The following PLPPR5 variants were observed in gnomAD, a reference collection of about 807,000 sequenced individuals.
PLPPR5 encodes phospholipid phosphatase-related protein type 5.
A neutral mutation model predicts 33.9 loss-of-function variants in PLPPR5; 16 were observed. The ratio of observed to expected loss-of-function variants is 0.47; its 90% CI spans 0.32 to 0.72. The LOEUF (loss-of-function observed/expected upper bound fraction) is 0.72, where lower values mean the gene tolerates loss of function less well. Ranked by LOEUF, PLPPR5 falls within the 30% of genes least tolerant of loss-of-function variation. The probability of loss-of-function intolerance (pLI) is 0.03; values close to 1 mark genes in which losing one functional copy is unlikely to be tolerated. For missense variants in PLPPR5, 301 were observed against 406.7 expected, an observed-to-expected ratio of 0.74 and a Z score of 2.23; for synonymous variants, 163 against 150.3, an observed-to-expected ratio of 1.08 and a Z score of -0.62.
At chr1:98,914,326 C>G (rs901600218) in intron 5 of PLPPR5, among the ~76,000 whole-genome samples, 1 of 152,134 alleles carries the variant, frequency 6.6e-6, no homozygotes. Flanking sequence ...CACTCTGTTG[C>G]GTAAGCTGGA....
At chr1:98,912,141 TA>T (rs1463987884) in intron 5 of PLPPR5, among the ~76,000 whole-genome samples, 1 of 152,232 alleles carries the variant, frequency 6.6e-6, no homozygotes, top group African/African-American at 2.4e-5. Flanking sequence ...ATTCAGCTTT[TA>T]AATGTATTTT....
intron 5 of PLPPR5, among the ~76,000 whole-genome samples, chr1:98,905,413 T>C (rs780132579): frequency 1.3e-4 from 20 of 152,170 alleles, no homozygotes; most frequent in Non-Finnish European, 2.8e-4. Context: ...TTTTATACTT[T>C]GTAATTGGCC....
intron 3 of PLPPR5, among the ~76,000 whole-genome samples, chr1:98,932,072 T>C (rs1325661081): frequency 2.6e-5 from 4 of 152,106 alleles, no homozygotes; most frequent in African/African-American, 9.7e-5. Context: ...GAATAAAACA[T>C]AACAAGTCTC....
chr1:98,916,558 T>C (rs910873408), intron 4 of PLPPR5, among the ~76,000 whole-genome samples: 1 of 152,348 alleles, frequency 6.6e-6, no homozygotes, highest in African/African-American at 2.4e-5. Context: ...CTCCACCTTT[T>C]TGGTGCAAAA....
Position 98,905,530 on chromosome 1 carries a change from C to G in PLPPR5, c.933+9256G>C, listed in dbSNP as rs1293919047. Among the ~76,000 whole-genome samples, 3 of 152,064 alleles carry G rather than the reference C, an allele frequency of 2.0e-5. No individual in the cohort carries two copies. The East Asian group carries it at 5.8e-4, about 29-fold the overall frequency. ...ATGAAGCAGTGATAATGAGTCCCAC[C>G]TTTATGAAATCTGGAGAGTCTTGTA... is the stretch of plus-strand genomic sequence containing the variant. On this transcript the variant is annotated intron_variant, in intron 5 of 5. Coordinates refer to ENST00000263177, the MANE Select transcript of PLPPR5 (RefSeq NM_001037317.2).
intron 1 of PLPPR5, among the ~76,000 whole-genome samples, chr1:99,001,495 G>A (rs996772580): frequency 6.6e-6 from 1 of 151,376 alleles, no homozygotes; most frequent in Non-Finnish European, 1.5e-5. Context: ...TACTAGACTC[G>A]GAACCTGAGC....
chr1:98,993,499 T>TA (rs1652529504), intron 1 of PLPPR5, among the ~76,000 whole-genome samples: 1 of 152,164 alleles, frequency 6.6e-6, no homozygotes, highest in Admixed American at 6.6e-5. Context: ...TAGTTTTGAC[T>TA]AAGTCTCTTC....
intron 3 of PLPPR5, among the ~76,000 whole-genome samples, chr1:98,940,944 G>A (rs1650347894): frequency 6.6e-6 from 1 of 151,858 alleles, no homozygotes; most frequent in African/African-American, 2.4e-5. Flanking sequence ...ATGGCTGGGA[G>A]CAGTGGCAAG....
chr1:98,975,096 C>T (rs914894454), intron 1 of PLPPR5, among the ~76,000 whole-genome samples: 7 of 152,164 alleles, frequency 4.6e-5, no homozygotes, highest in Non-Finnish European at 1.0e-4. Flanking sequence ...TGTAACTATT[C>T]CTTTCAGAGA....
chr1:98,964,928 T>G (rs979247473), intron 1 of PLPPR5, among the ~76,000 whole-genome samples: 1 of 151,666 alleles, frequency 6.6e-6, no homozygotes, highest in African/African-American at 2.4e-5. Context: ...GCCTCCTGAG[T>G]AGATGAGACT....
chr1:98,896,446 A>G (rs986834107), intron 5 of PLPPR5, among the ~76,000 whole-genome samples: 1 of 152,142 alleles, frequency 6.6e-6, no homozygotes, highest in South Asian at 2.1e-4. Context: ...CTCATGCTTA[A>G]AAGTTCTATT....
chr1:98,972,612 T>C (rs1651700140), intron 1 of PLPPR5, among the ~76,000 whole-genome samples: 1 of 152,118 alleles, frequency 6.6e-6, no homozygotes, highest in African/African-American at 2.4e-5. Context: ...TAATAATTAT[T>C]AATTGAACTT....
intron 1 of PLPPR5, among the ~76,000 whole-genome samples, chr1:98,971,625 C>A (rs535328409): frequency 6.6e-6 from 1 of 152,070 alleles, no homozygotes; most frequent in African/African-American, 2.4e-5. Context: ...TTAGATTCTG[C>A]TTTTCTACTG....
intron 5 of PLPPR5, among the ~76,000 whole-genome samples, chr1:98,909,109 G>A (rs1302220565): frequency 6.6e-6 from 1 of 151,556 alleles, no homozygotes; most frequent in Non-Finnish European, 1.5e-5. Flanking sequence ...AGGGAAGGAG[G>A]GACAGAGGGA....
intron 1 of PLPPR5, among the ~76,000 whole-genome samples, chr1:98,996,168 T>C (rs1053191098): frequency 6.6e-6 from 1 of 151,966 alleles, no homozygotes; most frequent in Non-Finnish European, 1.5e-5. Flanking sequence ...CAGGAAGTTG[T>C]TTTTTGGTTT....
intron 5 of PLPPR5, among the ~76,000 whole-genome samples, chr1:98,905,808 T>A (rs1648873329): frequency 6.6e-6 from 1 of 152,178 alleles, no homozygotes; most frequent in Non-Finnish European, 1.5e-5. Flanking sequence ...TTTCTGTACT[T>A]TTTTTGTGAT....
intron 5 of PLPPR5, among the ~76,000 whole-genome samples, chr1:98,893,619 T>A (rs980670116): frequency 9.1e-5 from 1 of 11,020 alleles, no homozygotes; most frequent in African/African-American, 1.8e-4. Context: ...TCACAGCGCC[T>A]TTTTTTTTTT....
chr1:98,933,799 T>G (rs1375198606), intron 3 of PLPPR5, among the ~76,000 whole-genome samples: 1 of 152,136 alleles, frequency 6.6e-6, no homozygotes, highest in Non-Finnish European at 1.5e-5. Flanking sequence ...CTCTGATGCA[T>G]GTAGTGATGT....
At chr1:98,952,743 G>A (rs1263047660) in intron 3 of PLPPR5, among the ~76,000 whole-genome samples, 2 of 152,132 alleles carry the variant, frequency 1.3e-5, no homozygotes, top group Non-Finnish European at 2.9e-5. Context: ...TCTCTTCATC[G>A]TGCTATTACA....
Sources: gnomAD v4.1 joint callset for allele counts (sites outside exome capture counted in the v4.1 genomes callset) on GRCh38, gnomAD v4.1.1 for gene constraint, MANE v1.5 for transcripts, NCBI Gene and HGNC (gene_info 2026-07-23, HGNC 2026-07-21) for gene names.